Variants in IGSF10 observed in about 807,000 individuals in gnomAD.
IGSF10 encodes calvaria mechanical force protein 608.
In IGSF10, 126 loss-of-function variants were observed where a neutral mutation model predicts 128.2. That is an observed-to-expected ratio of 0.98 (90% CI 0.85 to 1.14). The LOEUF is 1.14. Among genes scored for constraint, IGSF10 ranks in the 50% most tolerant of loss-of-function variants. IGSF10 has a pLI of 0.00. For synonymous variants in IGSF10, 1,185 were observed against 1,146.2 expected (o/e 1.03, Z -0.68); for missense variants, 3,295 against 3,149.8 (o/e 1.05, Z -1.10).
In IGSF10 at chr3:151,437,355, AGTT is replaced by A; in HGVS notation, c.7203_7205del (p.Thr2402del). 1 of 1,614,132 alleles carries A rather than the reference AGTT, an allele frequency of 6.2e-7. No homozygotes were observed. The highest frequency in any genetic ancestry group is 8.5e-7 in the Non-Finnish European group (1 of 1,180,022). On this transcript the variant is annotated inframe_deletion, in exon 8 of 8. Coordinates refer to ENST00000282466, the MANE Select transcript of IGSF10 (RefSeq NM_178822.5). ...AGCGATATTTTCCTGCATCCTCCCG[AGTT>A]GTTTTAGAAATGATAAAAGAACCAT...
At chr3:151,578,917 G>A in the IGSF10 span, among the ~76,000 whole-genome samples, 2 of 152,206 alleles carry the variant, frequency 1.3e-5, no homozygotes, top group African/African-American at 2.4e-5. Flanking sequence ...GACCAAGACT[G>A]AGGATAAAGA....
In IGSF10 at chr3:151,453,680, T is replaced by C; in HGVS notation, c.419A>G (p.Asn140Ser). The change falls in exon 5 of 8, where the codon AAT (asparagine) becomes AGT (serine). Residue 140 changes from asparagine (N) to serine (S), a missense_variant. By Grantham distance (46) the Asn-to-Ser change is conservative. Transcript: ENST00000282466. ...SLTRLHMDHN[N>S]IEFINPEVFY... ...AACCTCTGGGTTTATAAACTCAATA[T>C]TGTTGTGGTCCATGTGCAATCGTGT... 1 of 1,613,302 alleles carries C rather than the reference T, an allele frequency of 6.2e-7. No homozygotes were observed. Among genetic ancestry groups the C allele is most frequent in the Non-Finnish European group, 8.5e-7 (1 of 1,179,236 alleles).
At position 151,442,966 on chromosome 3, in the gene IGSF10, C is replaced by T. The variant is rs763486263; in HGVS notation, c.5963+18G>A. The T allele has an allele frequency of 1.3e-5, 20 of 1,593,760 alleles. No homozygotes were observed. Among genetic ancestry groups the T allele is most frequent in the Non-Finnish European group, 1.6e-5 (19 of 1,169,210 alleles). Reference sequence around the variant, plus strand: ...AATACATAAAGCAGATAATTCCAACCCAAAGGTATAGACTTACCTATGCTG... The same window carrying T: ...AATACATAAAGCAGATAATTCCAACTCAAAGGTATAGACTTACCTATGCTG... On this transcript the variant is annotated intron_variant, in intron 7 of 7. Transcript: ENST00000282466.
Position 151,448,317 on chromosome 3 carries a change from T to C in IGSF10, c.1664A>G (p.Asn555Ser). ...GGTGAGAATATCTGCATCATCATAA[T>C]TGCTGCTTATACAGTGATATACGCC... ...DTGVYHCISSNYDDADILTYR... is the reference protein window; with the variant it reads ...DTGVYHCISSSYDDADILTYR... The change falls in exon 6 of 8, where the codon AAT becomes AGT. Residue 555 changes from asparagine (N) to serine (S), a missense_variant. Asn to Ser is a conservative substitution (Grantham distance 46). Coordinates refer to ENST00000282466, the MANE Select transcript of IGSF10 (RefSeq NM_178822.5). 2 of 1,614,256 alleles carry C rather than the reference T, an allele frequency of 1.2e-6. No homozygotes were observed. The highest frequency in any genetic ancestry group is 1.7e-6 in the Non-Finnish European group (2 of 1,180,038).
At chr3:151,591,134 C>G in the IGSF10 span, among the ~76,000 whole-genome samples, 2 of 151,872 alleles carry the variant, frequency 1.3e-5, no homozygotes, top group Non-Finnish European at 1.5e-5. Context: ...ATTTCTCATT[C>G]CCAAAATGTC....
At chr3:151,526,092 TTATC>T in the IGSF10 span, among the ~76,000 whole-genome samples, 2 of 152,174 alleles carry the variant, frequency 1.3e-5, no homozygotes, top group Non-Finnish European at 2.9e-5. Context: ...AGTGAACTAT[TTATC>T]TAGCACATAA....
chr3:151,489,307 T>C, the IGSF10 span, among the ~76,000 whole-genome samples: 3 of 152,126 alleles, frequency 2.0e-5, no homozygotes, highest in Admixed American at 6.5e-5. Flanking sequence ...ATGGTGATCA[T>C]TAAAAAGTAG....
chr3:151,464,697 T>G (rs1371627259), upstream of IGSF10, among the ~76,000 whole-genome samples: 8 of 152,206 alleles, frequency 5.3e-5, no homozygotes, highest in African/African-American at 1.4e-4. Context: ...TTCATATTAT[T>G]CAATTAACCA....
At chr3:151,564,292 G>A in the IGSF10 span, among the ~76,000 whole-genome samples, 3 of 151,924 alleles carry the variant, frequency 2.0e-5, no homozygotes, top group South Asian at 6.2e-4. Flanking sequence ...TTTTGCATCA[G>A]TACACACATT....
intron 7 of IGSF10, chr3:151,440,528 C>T: frequency 2.2e-6 from 1 of 456,624 alleles, no homozygotes; most frequent in South Asian, 1.5e-5. Flanking sequence ...GTAATTCCCT[C>T]ACTATACAGC....
chr3:151,593,302 G>A, the IGSF10 span, among the ~76,000 whole-genome samples: 3,985 of 151,896 alleles, frequency 0.026, 178 homozygotes, highest in African/African-American at 0.088. Context: ...TTGTAGAGAC[G>A]AGGTTTCACC....
At chr3:151,505,631 C>T in the IGSF10 span, among the ~76,000 whole-genome samples, 2 of 152,138 alleles carry the variant, frequency 1.3e-5, no homozygotes, top group Admixed American at 1.3e-4. Context: ...ATGGTGAAAT[C>T]TTTCTAAAGA....
the IGSF10 span, among the ~76,000 whole-genome samples, chr3:151,487,109 G>T: frequency 6.6e-6 from 1 of 151,910 alleles, no homozygotes; most frequent in Non-Finnish European, 1.5e-5. Flanking sequence ...AGAAAGGAAA[G>T]AAGAATCAAA....
the IGSF10 span, among the ~76,000 whole-genome samples, chr3:151,470,131 A>T: frequency 2.6e-5 from 4 of 152,208 alleles, no homozygotes; most frequent in Non-Finnish European, 4.4e-5. Context: ...CATTGCATCA[A>T]GACTTAATGA....
the IGSF10 span, among the ~76,000 whole-genome samples, chr3:151,504,710 A>G: frequency 2.9e-4 from 44 of 152,350 alleles, no homozygotes; most frequent in African/African-American, 9.9e-4. Context: ...ACTATAACCT[A>G]AATGAAATTG....
At chr3:151,503,565 TAG>T in the IGSF10 span, among the ~76,000 whole-genome samples, 3,499 of 152,168 alleles carry the variant, frequency 0.023, 100 homozygotes, top group East Asian at 0.063. Flanking sequence ...GAATGCAGCA[TAG>T]AGAGACAAAA....
At chr3:151,540,313 G>A in the IGSF10 span, among the ~76,000 whole-genome samples, 1 of 152,072 alleles carries the variant, frequency 6.6e-6, no homozygotes, top group African/African-American at 2.4e-5. Flanking sequence ...CCTCACCCAA[G>A]GGTAAGTTTA....
chr3:151,519,962 G>C, the IGSF10 span, among the ~76,000 whole-genome samples: 1 of 151,744 alleles, frequency 6.6e-6, no homozygotes, highest in Admixed American at 6.6e-5. Context: ...AATAATACCT[G>C]AAGGTTTTGA....
At chr3:151,520,748 A>G in the IGSF10 span, among the ~76,000 whole-genome samples, 1 of 151,926 alleles carries the variant, frequency 6.6e-6, no homozygotes, top group Admixed American at 6.6e-5. Flanking sequence ...TATAGAAATG[A>G]AAGTCTAATA....
Sources: gnomAD v4.1 joint callset for allele counts (sites outside exome capture counted in the v4.1 genomes callset) on GRCh38, gnomAD v4.1.1 for gene constraint, MANE v1.5 for transcripts, NCBI Gene and HGNC (gene_info 2026-07-23, HGNC 2026-07-21) for gene names.